The following ETFBKMT variants were observed in gnomAD, a reference collection of about 807,000 sequenced individuals.
ETFBKMT encodes electron transfer flavoprotein subunit beta lysine methyltransferase, also known as electron transfer flavoprotein beta subunit lysine methyltransferase.
ETFBKMT carries 13 observed loss-of-function variants against 18.3 expected under a neutral mutation model. The observed-to-expected ratio is 0.71, with a 90% CI of 0.46 to 1.13. The LOEUF is 1.13. ETFBKMT is among the 50% of genes most tolerant of loss of function. The pLI, the probability that ETFBKMT is intolerant of heterozygous loss-of-function variation, is 0.00. For missense variants in ETFBKMT, 293 were observed against 306.2 expected (o/e 0.96, Z 0.32); for synonymous variants, 84 against 107.9 (o/e 0.78, Z 1.37).
chr12:31,649,010 C>T (rs190298867), intron 1 of ETFBKMT, among the ~76,000 whole-genome samples: 99 of 132,542 alleles, frequency 7.5e-4, no homozygotes, highest in Non-Finnish European at 1.2e-3. Flanking sequence ...CGGAGTCTCG[C>T]TTTGTCACCT....
chr12:31,657,395 A>G (rs983274703), upstream of ETFBKMT, among the ~76,000 whole-genome samples: 1 of 152,166 alleles, frequency 6.6e-6, no homozygotes, highest in African/African-American at 2.4e-5. Flanking sequence ...AAGAAAATCC[A>G]TATATCCCTG....
At chr12:31,648,557 C>CTTTTTTT (rs764501978) in intron 1 of ETFBKMT, among the ~76,000 whole-genome samples, 14 of 82,990 alleles carry the variant, frequency 1.7e-4, no homozygotes, top group East Asian at 4.9e-4. Flanking sequence ...AGATGGGTTT[C>CTTTTTTT]TTTTTTTTTT....
upstream of ETFBKMT, among the ~76,000 whole-genome samples, chr12:31,656,713 T>C (rs1951065227): frequency 6.6e-6 from 1 of 152,230 alleles, no homozygotes. Context: ...CGCAGTTACC[T>C]TAGTTCTGTC....
chr12:31,657,913 A>G (rs1269718679), upstream of ETFBKMT, among the ~76,000 whole-genome samples: 1 of 152,190 alleles, frequency 6.6e-6, no homozygotes, highest in East Asian at 1.9e-4. Context: ...AGGGATAGAA[A>G]GAACTGGACC....
chr12:31,658,730 G>C (rs1209368091), upstream of ETFBKMT, among the ~76,000 whole-genome samples: 1 of 152,192 alleles, frequency 6.6e-6, no homozygotes, highest in African/African-American at 2.4e-5. Flanking sequence ...CAGATGGTGA[G>C]TTAACTTTGA....
chr12:31,662,308 G>A (rs1436538495), intron 2 of ETFBKMT, 41 bp downstream of exon 2: 6 of 1,581,590 alleles, frequency 3.8e-6, no homozygotes, highest in Non-Finnish European at 4.3e-6. Flanking sequence ...ACAGATCTTT[G>A]CTGTTTTCAG....
chr12:31,667,146 C>G (rs1951208212), intron 3 of ETFBKMT, among the ~76,000 whole-genome samples: 5 of 152,098 alleles, frequency 3.3e-5, no homozygotes. Context: ...AGGCATGCAC[C>G]ACCATGCCCA....
At chr12:31,649,824 T>A (rs1224972118) in intron 1 of ETFBKMT, among the ~76,000 whole-genome samples, 8 of 149,966 alleles carry the variant, frequency 5.3e-5, no homozygotes, top group Non-Finnish European at 1.2e-4. Context: ...TGGCATGATC[T>A]CAGCTTACTG....
intron 1 of ETFBKMT, among the ~76,000 whole-genome samples, chr12:31,649,156 T>G (rs1193894483): frequency 6.6e-6 from 1 of 152,188 alleles, no homozygotes; most frequent in Non-Finnish European, 1.5e-5. Flanking sequence ...TTCACCGTGT[T>G]GCCCAGGCTG....
In ETFBKMT at chr12:31,672,572, C is replaced by A; in HGVS notation, c.*4582C>A. The A allele has an allele frequency of 2.0e-6, 1 of 493,496 alleles. No homozygotes were observed. The highest frequency in any genetic ancestry group is 3.6e-6 in the Non-Finnish European group (1 of 276,336). 30.6% of individuals were successfully genotyped at this position (493,496 alleles called of 1,614,324 possible). A position where few individuals can be genotyped will look rare whatever the true frequency, so the allele number is the denominator to read the frequency against. On this transcript the variant is annotated 3_prime_UTR_variant, in exon 4 of 4. Coordinates refer to ENST00000357721, the MANE Select transcript of ETFBKMT (RefSeq NM_001135863.2). ...GCCCTCACTATTATTAGGTGTAGTG[C>A]ACCTATCATGGTATTACTTGTTTAA...
In ETFBKMT at chr12:31,667,976, G is replaced by A. The variant is rs1383059367; in HGVS notation, c.775G>A (p.Gly259Ser). The A allele has an allele frequency of 6.2e-7, 1 of 1,611,984 alleles. No individual in the cohort carries two copies. The highest frequency in any genetic ancestry group is 8.5e-7 in the Non-Finnish European group (1 of 1,178,476). ...TGGACTGACAACAAGCACAGTGTGG[G>A]GTTTTCAGCCTTGAGTTGTCAAAGT... ...NSGLTTSTVW[G>S]FQP Residue 259 changes from glycine (G) to serine (S), a missense_variant, in exon 4 of 4, where the codon GGT becomes AGT. Coordinates refer to ENST00000357721, the MANE Select transcript of ETFBKMT (RefSeq NM_001135863.2).
chr12:31,666,968 T>C (rs2139630391), intron 3 of ETFBKMT, among the ~76,000 whole-genome samples: 1 of 151,526 alleles, frequency 6.6e-6, no homozygotes, highest in East Asian at 1.9e-4. Context: ...AAAACCTTTA[T>C]TTTATAAAGG....
At chr12:31,664,773 G>A (rs1217628854) in intron 2 of ETFBKMT, among the ~76,000 whole-genome samples, 2 of 148,252 alleles carry the variant, frequency 1.3e-5, no homozygotes, top group Non-Finnish European at 3.0e-5. Flanking sequence ...GTACCACCAC[G>A]CCTGGCTAAT....
chr12:31,661,669 C>T (rs995099451), intron 1 of ETFBKMT, among the ~76,000 whole-genome samples, 172 bp from the exon 2 acceptor site: 1 of 152,084 alleles, frequency 6.6e-6, no homozygotes, highest in African/African-American at 2.4e-5. Context: ...CCATGATGGC[C>T]ACACTGGTCT....
At chr12:31,648,405 A>G (rs992278081) in intron 1 of ETFBKMT, among the ~76,000 whole-genome samples, 28 of 138,156 alleles carry the variant, frequency 2.0e-4, no homozygotes, top group African/African-American at 6.9e-4. Flanking sequence ...TCTTTTGCCC[A>G]GGCTGGAGTG....
chr12:31,672,361 C>T lies in ETFBKMT; in HGVS notation c.*4371C>T, dbSNP rs1253774242. The T allele has an allele frequency of 6.4e-7, 1 of 1,574,260 alleles. No homozygotes were observed. Among genetic ancestry groups the T allele is most frequent in the South Asian group, 1.2e-5 (1 of 85,974 alleles). ...TGTTTGGGCCTACTAATTGCTCCAACACTTCTCGGGAATGATCTATAAAAG... is the reference window on the plus strand; with the variant it reads ...TGTTTGGGCCTACTAATTGCTCCAATACTTCTCGGGAATGATCTATAAAAG... On this transcript the variant is annotated 3_prime_UTR_variant, in exon 4 of 4. Transcript: ENST00000357721.
rs115100488 is a variant in ETFBKMT at position 31,672,360 on chromosome 12, A to G, written c.*4370A>G. 2,906 of 1,574,910 alleles carry G rather than the reference A, an allele frequency of 1.8e-3. 43 individuals carry two copies. The African/African-American group carries it at 0.033, about 18-fold the overall frequency. On this transcript the variant is annotated 3_prime_UTR_variant, in exon 4 of 4. Transcript: ENST00000357721. The stretch of plus-strand genomic sequence containing the variant: ...TTGTTTGGGCCTACTAATTGCTCCA[A>G]CACTTCTCGGGAATGATCTATAAAA...
At chr12:31,660,443 G>A (rs1409821791) in intron 1 of ETFBKMT, among the ~76,000 whole-genome samples, 1 of 152,118 alleles carries the variant, frequency 6.6e-6, no homozygotes, top group Admixed American at 6.5e-5. Context: ...GAAGAGATCC[G>A]AGGTCCCCAA....
At chr12:31,654,447 TAA>T (rs961323736), upstream of ETFBKMT, among the ~76,000 whole-genome samples, 1 of 152,240 alleles carries the variant, frequency 6.6e-6, no homozygotes, top group Non-Finnish European at 1.5e-5. Context: ...AAAGAAAGCC[TAA>T]GTCTGTACAA....
Sources: allele counts gnomAD v4.1 joint callset (sites outside exome capture counted in the v4.1 genomes callset), GRCh38; gene constraint gnomAD v4.1.1; transcripts MANE v1.5; gene names NCBI Gene and HGNC (gene_info 2026-07-23, HGNC 2026-07-21).